HNF1B: variants seen among roughly 807,000 people sequenced by gnomAD.
HNF1B encodes HNF1 homeobox B.
HNF1B carries 8 observed loss-of-function variants against 61.7 expected under a neutral mutation model. That is an observed-to-expected ratio of 0.13 (90% CI 0.08 to 0.23). The LOEUF (loss-of-function observed/expected upper bound fraction) is 0.23, where lower values mean the gene tolerates loss of function less well. Among genes scored for constraint, HNF1B ranks in the 10% least tolerant of loss-of-function variants. The pLI, the probability that HNF1B is intolerant of heterozygous loss-of-function variation, is 1.00. For synonymous variants in HNF1B, 314 were observed against 287.7 expected, an observed-to-expected ratio of 1.09 and a Z score of -0.93; for missense variants, 562 against 714.5, an observed-to-expected ratio of 0.79 and a Z score of 2.43.
intron 8 of HNF1B, among the ~76,000 whole-genome samples, chr17:37,689,095 A>T (rs2032093837): frequency 6.9e-6 from 1 of 145,268 alleles, no homozygotes; most frequent in Non-Finnish European, 1.5e-5. Flanking sequence ...TGGTGAGCCG[A>T]TATTATGCTA....
At chr17:37,710,357 C>G in intron 5 of HNF1B, 146 bp downstream of exon 5, 1 of 1,054,160 alleles carries the variant, frequency 9.5e-7, no homozygotes. Flanking sequence ...ACCAGCACTA[C>G]CTCTCCTTTC....
At chr17:37,732,566 C>T (rs992230870) in intron 3 of HNF1B, among the ~76,000 whole-genome samples, 1 of 152,196 alleles carries the variant, frequency 6.6e-6, no homozygotes, top group East Asian at 1.9e-4. Context: ...ACAGAGAAAG[C>T]GCACACAGGC....
intron 1 of HNF1B, among the ~76,000 whole-genome samples, chr17:37,743,436 A>G (rs1283013790): frequency 2.0e-5 from 3 of 152,204 alleles, no homozygotes; most frequent in African/African-American, 7.2e-5. Context: ...TTGGGGAAAA[A>G]AAATCTACAA....
intron 6 of HNF1B, 109 bp downstream of exon 6, chr17:37,704,808 A>G: frequency 8.4e-7 from 1 of 1,196,864 alleles, no homozygotes; most frequent in Non-Finnish European, 1.2e-6. Flanking sequence ...CAAATCTACT[A>G]GTCGTGGGTG....
chr17:37,702,012 T>A (rs947561533), intron 6 of HNF1B, among the ~76,000 whole-genome samples: 1 of 152,168 alleles, frequency 6.6e-6, no homozygotes, highest in Admixed American at 6.5e-5. Flanking sequence ...CTGGTACCCA[T>A]GCTCTATCTC....
chr17:37,715,319 A>T (rs1376356675), intron 4 of HNF1B, among the ~76,000 whole-genome samples: 2 of 152,176 alleles, frequency 1.3e-5, no homozygotes, highest in African/African-American at 4.8e-5. Context: ...TGACTGAAGG[A>T]ATGAAACCCC....
chr17:37,686,998 CCTT>C lies in HNF1B; in HGVS notation c.*371_*373del, dbSNP rs1196562574. The C allele has an allele frequency of 2.1e-6, 1 of 484,528 alleles. No individual in the cohort carries two copies. Among genetic ancestry groups the C allele is most frequent in the Non-Finnish European group, 3.8e-6 (1 of 263,988 alleles). The allele number at this position is 484,528 out of a possible 1,614,324, so 30.0% of individuals were successfully genotyped here. ...TTTGGCTCAGTTCAATAGCACATGT[CCTT>C]CTCTCCTCATTTCAGTAACAGATTC... On this transcript the variant is annotated 3_prime_UTR_variant, in exon 9 of 9. Coordinates refer to ENST00000617811, the MANE Select transcript of HNF1B (RefSeq NM_000458.4).
At position 37,687,160 on chromosome 17, in the gene HNF1B, TG is replaced by T; in HGVS notation, c.*211del. 1.4e-6 allele frequency: 1 copy of T among 719,400 alleles called. No individual in the cohort carries two copies. The highest frequency in any genetic ancestry group is 2.4e-6 in the Non-Finnish European group (1 of 409,956). 44.6% of individuals were successfully genotyped at this position (719,400 alleles called of 1,614,324 possible). The stretch of plus-strand genomic sequence containing the variant: ...CCTTGACATCGTGGGAGAGGCATTG[TG>T]GCAATACTGCATAGAAGGGAAACTG... On this transcript the variant is annotated 3_prime_UTR_variant, in exon 9 of 9. Coordinates refer to ENST00000617811, the MANE Select transcript of HNF1B (RefSeq NM_000458.4).
At chr17:37,718,128 A>C (rs1179815509) in intron 4 of HNF1B, among the ~76,000 whole-genome samples, 2 of 152,354 alleles carry the variant, frequency 1.3e-5, no homozygotes, top group East Asian at 3.9e-4. Flanking sequence ...ATTTAAAAAA[A>C]AAATCAAAGC....
At chr17:37,723,013 A>G (rs1180026350) in intron 4 of HNF1B, among the ~76,000 whole-genome samples, 2 of 152,078 alleles carry the variant, frequency 1.3e-5, no homozygotes, top group African/African-American at 2.4e-5. Context: ...CAAGCAATAC[A>G]CATGAGAGGA....
At chr17:37,743,347 C>T (rs2034059338) in intron 1 of HNF1B, among the ~76,000 whole-genome samples, 1 of 152,252 alleles carries the variant, frequency 6.6e-6, no homozygotes. Flanking sequence ...GAGTTCTCTC[C>T]CGGTAGGGGA....
rs1335253884 is a variant in HNF1B, at chr17:37,706,673, C to T, written c.1207-1624G>A. 4.1e-5 allele frequency among the ~76,000 whole-genome samples: 4 copies of T among 97,134 alleles called. No individual in the cohort carries two copies. In the Admixed American group the frequency reaches 4.4e-4, roughly 11 times the overall value. The allele number at this position is 97,134 out of a possible 152,430, so 63.7% of individuals were successfully genotyped here. A position where few individuals can be genotyped will look rare whatever the true frequency, so the allele number is the denominator to read the frequency against. On this transcript the variant is annotated intron_variant, in intron 5 of 8. Coordinates refer to ENST00000617811, the MANE Select transcript of HNF1B (RefSeq NM_000458.4). ...TGGACTTGTTTTTCAAAATACCAGT[C>T]ATTAAAAAAAAAAAAAAAAAAATCC...
chr17:37,692,765 G>T (rs1312167718), intron 8 of HNF1B, among the ~76,000 whole-genome samples: 7 of 152,200 alleles, frequency 4.6e-5, no homozygotes, highest in African/African-American at 1.7e-4. Context: ...ATCAGCAGGA[G>T]AATGGGAAAC....
chr17:37,702,824 T>C (rs1050087970), intron 6 of HNF1B, among the ~76,000 whole-genome samples: 1 of 152,204 alleles, frequency 6.6e-6, no homozygotes, highest in African/African-American at 2.4e-5. Flanking sequence ...TTATTTTCAA[T>C]GCAGTCTGTG....
At chr17:37,719,899 C>T (rs1472950861) in intron 4 of HNF1B, among the ~76,000 whole-genome samples, 3 of 152,168 alleles carry the variant, frequency 2.0e-5, no homozygotes, top group Admixed American at 2.0e-4. Context: ...AGTGTCAGAG[C>T]TGCCTTGTGA....
At chr17:37,731,866 G>A in intron 3 of HNF1B, 36 bp from the exon 4 acceptor site, 1 of 1,404,638 alleles carries the variant, frequency 7.1e-7, no homozygotes, top group Non-Finnish European at 1.0e-6. Flanking sequence ...TGAGTGAGGG[G>A]GGGCGGGGGG....
chr17:37,690,728 T>C (rs1335908012), intron 8 of HNF1B, among the ~76,000 whole-genome samples: 1 of 152,130 alleles, frequency 6.6e-6, no homozygotes, highest in Admixed American at 6.5e-5. Flanking sequence ...GGGGAAGCAA[T>C]TTTGATAGGA....
At chr17:37,720,150 TTCTG>T (rs918372206) in intron 4 of HNF1B, among the ~76,000 whole-genome samples, 14 of 152,168 alleles carry the variant, frequency 9.2e-5, no homozygotes, top group African/African-American at 3.4e-4. Context: ...GCAGTTTTGT[TTCTG>T]TCTGTCCAGA....
chr17:37,695,748 T>C (rs76080988), intron 8 of HNF1B, among the ~76,000 whole-genome samples: 3,368 of 152,362 alleles, frequency 0.022, 130 homozygotes, highest in African/African-American at 0.077. Context: ...GTTACCCCTT[T>C]CTTTTGGCCA....
Sources: gnomAD v4.1 joint callset for allele counts (sites outside exome capture counted in the v4.1 genomes callset) on GRCh38, gnomAD v4.1.1 for gene constraint, MANE v1.5 for transcripts, NCBI Gene and HGNC (gene_info 2026-07-23, HGNC 2026-07-21) for gene names.